ST3GAL4: variants seen among roughly 807,000 people sequenced by gnomAD.
ST3GAL4 encodes ST3 beta-galactoside alpha-2,3-sialyltransferase 4, also known as CMP-N-acetylneuraminate-beta-galactosamide-alpha-2,3-sialyltransferase 4.
A neutral mutation model predicts 42.6 loss-of-function variants in ST3GAL4; 24 were observed. The ratio of observed to expected loss-of-function variants is 0.56; its 90% CI spans 0.41 to 0.79. ST3GAL4 has a LOEUF of 0.79. ST3GAL4 is among the 30% of genes least tolerant of loss of function. The pLI is 0.00. For missense variants in ST3GAL4, 311 were observed against 430.8 expected (o/e 0.72, Z 2.46); for synonymous variants, 135 against 163.2 (o/e 0.83, Z 1.32).
intron 1 of ST3GAL4, among the ~76,000 whole-genome samples, chr11:126,368,146 C>CA (rs59203608): frequency 0.17 from 20,835 of 124,960 alleles, 1,635 homozygotes; most frequent in East Asian, 0.35. Flanking sequence ...GACTGTCTCA[C>CA]AAAAAAAAAA....
chr11:126,357,343 C>A (rs938808314), intron 1 of ST3GAL4, among the ~76,000 whole-genome samples: 8 of 152,172 alleles, frequency 5.3e-5, no homozygotes, highest in African/African-American at 1.7e-4. Flanking sequence ...AGATGGTAAC[C>A]GAGGTTGTGA....
intron 1 of ST3GAL4, among the ~76,000 whole-genome samples, chr11:126,360,687 G>T (rs1952215305): frequency 6.6e-6 from 1 of 152,348 alleles, no homozygotes; most frequent in East Asian, 1.9e-4. Context: ...CTCCCAAAGT[G>T]CTGGGATTAC....
At chr11:126,413,874 G>T (rs1954634065) in intron 10 of ST3GAL4, 87 bp from the exon 11 acceptor site, 3 of 1,497,082 alleles carry the variant, frequency 2.0e-6, no homozygotes, top group Non-Finnish European at 2.8e-6. Context: ...AAGAAGTGTG[G>T]GGCCATTGGG....
chr11:126,393,360 CAGG>C lies in ST3GAL4; in HGVS notation c.-60-12735_-60-12733del, dbSNP rs1953594764. 1 of 152,260 alleles carries C rather than the reference CAGG, an allele frequency of 6.6e-6. No homozygotes were observed. 9.4% of individuals were successfully genotyped at this position (152,260 alleles called of 1,614,324 possible). ...CCTTGCAGGCACTGGGGCAGGATAT[CAGG>C]GGGTCCAGAAGAGGTTGGGTTTAGG... On this transcript the variant is annotated intron_variant, in intron 1 of 10. Transcript: ENST00000444328. The surrounding 1 kb of genome is among the most constrained non-coding windows in gnomAD (Gnocchi z 5.9).
rs368302348 is a variant in ST3GAL4 at position 126,391,796 on chromosome 11, T to G, written c.-60-14300T>G. Among the ~76,000 whole-genome samples, 1 of 152,132 alleles carries G rather than the reference T, an allele frequency of 6.6e-6. No homozygotes were observed. Among genetic ancestry groups the G allele is most frequent in the East Asian group, 1.9e-4 (1 of 5,190 alleles). ...GCTTGAATTGAGAGGGGCTGCCATG[T>G]GTCTGGGGAGGGCAGAACCCAGCGT... is the stretch of plus-strand genomic sequence containing the variant. On this transcript the variant is annotated intron_variant, in intron 1 of 10. Transcript: ENST00000444328. This position sits in a 1 kb window ranked among gnomAD's most constrained non-coding sequence, Gnocchi z 5.5.
chr11:126,356,878 C>A (rs1419916397), intron 1 of ST3GAL4, among the ~76,000 whole-genome samples: 1 of 152,228 alleles, frequency 6.6e-6, no homozygotes, highest in African/African-American at 2.4e-5. Flanking sequence ...ACCCGTGTCA[C>A]TGTCTCCTGA....
At chr11:126,404,351 C>T (rs2135534131) in intron 1 of ST3GAL4, among the ~76,000 whole-genome samples, 1 of 152,314 alleles carries the variant, frequency 6.6e-6, no homozygotes, top group South Asian at 2.1e-4. Context: ...CGGTAACCAA[C>T]CTGATATGCA....
intron 1 of ST3GAL4, among the ~76,000 whole-genome samples, chr11:126,394,576 C>T (rs1045957182): frequency 2.6e-5 from 4 of 152,098 alleles, no homozygotes; most frequent in Non-Finnish European, 5.9e-5. Flanking sequence ...AAGCACATGC[C>T]ACCATGCCCG....
chr11:126,389,239 A>G (rs958454864), intron 1 of ST3GAL4, among the ~76,000 whole-genome samples: 1 of 152,174 alleles, frequency 6.6e-6, no homozygotes. Context: ...TAATATGAAA[A>G]TATCTCATCT....
At chr11:126,408,217 A>C (rs1157282834) in intron 7 of ST3GAL4, 23 bp downstream of exon 7, 1 of 1,613,538 alleles carries the variant, frequency 6.2e-7, no homozygotes, top group Non-Finnish European at 8.5e-7. Flanking sequence ...GTCTCTTCCT[A>C]CTGTTGTTTG....
rs1952937793 is a variant in ST3GAL4 at position 126,379,980 on chromosome 11, G to A, written c.-61+24138G>A. ...TGTCTTTTACAAAAGAGCTAGTCTC[G>A]GCCGGGCACAGTGACTTGCGCCTGT... On this transcript the variant is annotated intron_variant, in intron 1 of 10. Transcript: ENST00000444328. The surrounding 1 kb of genome is among the most constrained non-coding windows in gnomAD (Gnocchi z 4.2). Among the ~76,000 whole-genome samples, 1 of 152,206 alleles carries A rather than the reference G, an allele frequency of 6.6e-6. No individual in the cohort carries two copies. The highest frequency in any genetic ancestry group is 2.1e-4 in the South Asian group (1 of 4,822).
Position 126,409,447 on chromosome 11 carries a change from C to T in ST3GAL4, c.771+36C>T, listed in dbSNP as rs368328381. On this transcript the variant is annotated intron_variant, in intron 9 of 10. Transcript: ENST00000444328. This position sits in a 1 kb window ranked among gnomAD's most constrained non-coding sequence, Gnocchi z 4.9. ...GAAGTCAGGCCTGAGGGCTAGGATCCTGGGCGGGAAGTAGGAGGGATGATC... is the reference window on the plus strand; with the variant it reads ...GAAGTCAGGCCTGAGGGCTAGGATCTTGGGCGGGAAGTAGGAGGGATGATC... 3 of 1,613,826 alleles carry T rather than the reference C, an allele frequency of 1.9e-6. No homozygotes were observed. Among genetic ancestry groups the T allele is most frequent in the Non-Finnish European group, 1.7e-6 (2 of 1,179,780 alleles).
At chr11:126,369,684 TTTC>T (rs1445205544) in intron 1 of ST3GAL4, among the ~76,000 whole-genome samples, 2 of 152,246 alleles carry the variant, frequency 1.3e-5, no homozygotes, top group African/African-American at 2.4e-5. Flanking sequence ...TTCCTTATTT[TTTC>T]TTCTTCCTTT....
At chr11:126,361,416 G>A (rs966948686) in intron 1 of ST3GAL4, among the ~76,000 whole-genome samples, 1 of 145,772 alleles carries the variant, frequency 6.9e-6, no homozygotes, top group African/African-American at 2.6e-5. Context: ...TGACCCCCCT[G>A]TGGTTCTCAT....
rs976267355 is a variant in ST3GAL4 at position 126,383,280 on chromosome 11, A to G, written c.-60-22816A>G. On this transcript the variant is annotated intron_variant, in intron 1 of 10. Coordinates refer to ENST00000444328, the MANE Select transcript of ST3GAL4 (RefSeq NM_001254757.2). This position sits in a 1 kb window ranked among gnomAD's most constrained non-coding sequence, Gnocchi z 4.5. Reference sequence around the variant, plus strand: ...TTCCCCTTTCCGTGACTTTGGAGGAACGAGGTTCCTGAGGGCTGGCACAGC... The same window carrying G: ...TTCCCCTTTCCGTGACTTTGGAGGAGCGAGGTTCCTGAGGGCTGGCACAGC... 7.2e-5 allele frequency among the ~76,000 whole-genome samples: 11 copies of G among 152,138 alleles called. No individual in the cohort carries two copies. The highest frequency in any genetic ancestry group is 2.2e-4 in the African/African-American group (9 of 41,452).
chr11:126,378,233 C>A lies in ST3GAL4; in HGVS notation c.-61+22391C>A, dbSNP rs185677923. Among the ~76,000 whole-genome samples the A allele has an allele frequency of 6.2e-3, 938 of 152,268 alleles. 12 individuals carry two copies. The highest frequency in any genetic ancestry group is 0.021 in the African/African-American group (881 of 41,544). ...ATTCGGTGTTATCGATAGAAAGGGTCAAAGTGCATCCTATTACCCACGAGT... is the reference window on the plus strand; with the variant it reads ...ATTCGGTGTTATCGATAGAAAGGGTAAAAGTGCATCCTATTACCCACGAGT... On this transcript the variant is annotated intron_variant, in intron 1 of 10. Coordinates refer to ENST00000444328, the MANE Select transcript of ST3GAL4 (RefSeq NM_001254757.2). The surrounding 1 kb of genome is among the most constrained non-coding windows in gnomAD (Gnocchi z 5.3).
intron 1 of ST3GAL4, among the ~76,000 whole-genome samples, chr11:126,374,278 C>A (rs656841): frequency 6.6e-6 from 1 of 151,352 alleles, no homozygotes; most frequent in South Asian, 2.1e-4. Flanking sequence ...ATGGGGAAAC[C>A]CCGTTCCTAC....
intron 1 of ST3GAL4, among the ~76,000 whole-genome samples, chr11:126,369,338 C>G (rs1952553022): frequency 1.3e-5 from 2 of 150,850 alleles, no homozygotes; most frequent in Non-Finnish European, 3.0e-5. Context: ...ACCTCGGCCT[C>G]CTGGATTCAA....
At position 126,391,076 on chromosome 11, in the gene ST3GAL4, G is replaced by A. The variant is rs1464889362; in HGVS notation, c.-60-15020G>A. Among the ~76,000 whole-genome samples, 4 of 152,096 alleles carry A rather than the reference G, an allele frequency of 2.6e-5. No homozygotes were observed. Among genetic ancestry groups the A allele is most frequent in the African/African-American group, 7.2e-5 (3 of 41,408 alleles). Reference sequence around the variant, plus strand: ...TGCGTAGACCACATTTTGTGGATCCGTTCATCCACTGATGGACGCTTGGGG... The same window carrying A: ...TGCGTAGACCACATTTTGTGGATCCATTCATCCACTGATGGACGCTTGGGG... On this transcript the variant is annotated intron_variant, in intron 1 of 10. Transcript: ENST00000444328. This position sits in a 1 kb window ranked among gnomAD's most constrained non-coding sequence, Gnocchi z 5.5.
Sources: allele counts gnomAD v4.1 joint callset (sites outside exome capture counted in the v4.1 genomes callset), GRCh38; gene constraint gnomAD v4.1.1; non-coding constraint Gnocchi (gnomAD v3.1); transcripts MANE v1.5; gene names NCBI Gene and HGNC (gene_info 2026-07-23, HGNC 2026-07-21).